Variants in NDST3 observed in about 807,000 individuals in gnomAD.
NDST3 encodes N-deacetylase and N-sulfotransferase 3.
A neutral mutation model predicts 96.1 loss-of-function variants in NDST3; 58 were observed. The observed-to-expected ratio is 0.60, with a 90% CI of 0.49 to 0.75. The LOEUF (loss-of-function observed/expected upper bound fraction) is 0.75. Among genes scored for constraint, NDST3 ranks in the 30% least tolerant of loss-of-function variants. The pLI, the probability that NDST3 is intolerant of heterozygous loss-of-function variation, is 0.00. For missense variants in NDST3, 788 were observed against 1,034.2 expected (o/e 0.76, Z 3.27); for synonymous variants, 333 against 359.7 (o/e 0.93, Z 0.84).
intron 6 of NDST3, among the ~76,000 whole-genome samples, chr4:118,174,972 C>T (rs1736184136): frequency 6.6e-6 from 1 of 152,134 alleles, no homozygotes; most frequent in Non-Finnish European, 1.5e-5. Context: ...TTTTATAATC[C>T]TCATAAGATT....
At chr4:118,097,277 TA>T (rs1382964881) in intron 2 of NDST3, among the ~76,000 whole-genome samples, 2 of 151,974 alleles carry the variant, frequency 1.3e-5, no homozygotes. Flanking sequence ...CCATGTTGTC[TA>T]GAGTATTTCT....
At chr4:118,149,894 G>A (rs1734255889) in intron 6 of NDST3, among the ~76,000 whole-genome samples, 3 of 151,990 alleles carry the variant, frequency 2.0e-5, no homozygotes, top group Admixed American at 2.0e-4. Context: ...CTGTGGGTTT[G>A]TCATAGATAG....
At chr4:118,241,630 G>A (rs532597942) in intron 11 of NDST3, among the ~76,000 whole-genome samples, 1 of 152,302 alleles carries the variant, frequency 6.6e-6, no homozygotes, top group South Asian at 2.1e-4. Context: ...GAAAGGAATC[G>A]TGAGGAATGA....
At chr4:118,040,698 T>C (rs1053369744) in intron 1 of NDST3, among the ~76,000 whole-genome samples, 1 of 151,646 alleles carries the variant, frequency 6.6e-6, no homozygotes, top group African/African-American at 2.4e-5. Context: ...TGTTGTTGCT[T>C]TTGAGACAGG....
chr4:118,126,769 A>G (rs1732130444), intron 4 of NDST3, among the ~76,000 whole-genome samples: 1 of 151,928 alleles, frequency 6.6e-6, no homozygotes, highest in Non-Finnish European at 1.5e-5. Context: ...AAACCTCCAA[A>G]CTGTTCTCCA....
intron 6 of NDST3, among the ~76,000 whole-genome samples, chr4:118,181,493 G>T (rs1006727489): frequency 2.6e-5 from 4 of 152,138 alleles, no homozygotes; most frequent in African/African-American, 9.7e-5. Flanking sequence ...TGAGCATTTA[G>T]TTAGCATGAG....
intron 2 of NDST3, among the ~76,000 whole-genome samples, chr4:118,062,295 G>C (rs1201917122): frequency 1.3e-5 from 2 of 152,018 alleles, no homozygotes; most frequent in Non-Finnish European, 2.9e-5. Flanking sequence ...GCCTAATTAA[G>C]TTCCCTCATA....
intron 3 of NDST3, among the ~76,000 whole-genome samples, chr4:118,112,625 C>T (rs1730731628): frequency 3.3e-5 from 5 of 152,120 alleles, no homozygotes; most frequent in Admixed American, 3.3e-4. Flanking sequence ...TGCAGGGAAA[C>T]TAAATGACAT....
At chr4:118,255,168 T>G (rs534001069) in intron 13 of NDST3, among the ~76,000 whole-genome samples, 1 of 152,356 alleles carries the variant, frequency 6.6e-6, no homozygotes, top group African/African-American at 2.4e-5. Flanking sequence ...ACAGACCTTA[T>G]TAAATTTGGA....
At chr4:118,164,458 T>C (rs1288330994) in intron 6 of NDST3, among the ~76,000 whole-genome samples, 2 of 150,760 alleles carry the variant, frequency 1.3e-5, no homozygotes, top group Non-Finnish European at 2.9e-5. Context: ...AGAGTACCTA[T>C]ATAAGAAAGC....
At chr4:118,189,016 A>G (rs189313196) in intron 6 of NDST3, among the ~76,000 whole-genome samples, 60 of 152,274 alleles carry the variant, frequency 3.9e-4, no homozygotes, top group Non-Finnish European at 7.8e-4. Flanking sequence ...GAAATCTGAT[A>G]TAATTTTAGA....
chr4:118,122,503 G>A (rs1170383932), intron 4 of NDST3, among the ~76,000 whole-genome samples: 1 of 150,804 alleles, frequency 6.6e-6, no homozygotes, highest in African/African-American at 2.4e-5. Context: ...TCTTTCTTTT[G>A]TACCAGCTCC....
chr4:118,127,381 CAG>C (rs1365416224), intron 4 of NDST3, among the ~76,000 whole-genome samples: 2 of 151,876 alleles, frequency 1.3e-5, no homozygotes, highest in African/African-American at 4.8e-5. Context: ...TGGTGATAGA[CAG>C]GGGTTCAGCT....
chr4:118,093,305 T>C (rs891931651), intron 2 of NDST3, among the ~76,000 whole-genome samples: 13 of 151,874 alleles, frequency 8.6e-5, no homozygotes, highest in Non-Finnish European at 1.0e-4. Context: ...AAACATGCTG[T>C]CACTGGATCA....
rs763334207 is a variant in NDST3 at position 118,240,650 on chromosome 4, G to A, written c.2245G>A (p.Ala749Thr). 4.3e-6 allele frequency: 7 copies of A among 1,613,672 alleles called. No individual in the cohort carries two copies. Among genetic ancestry groups the A allele is most frequent in the Admixed American group, 1.7e-5 (1 of 59,984 alleles). ...GAGATGTTTGGTCCCGGGGTGGTATGCCAGCCACATCGAGAGATGGCTTGT... is the reference window on the plus strand; with the variant it reads ...GAGATGTTTGGTCCCGGGGTGGTATACCAGCCACATCGAGAGATGGCTTGT... ...QKRCLVPGWY[A>T]SHIERWLVYF... Residue 749 changes from alanine to threonine, a missense_variant, in exon 11 of 14, where the codon GCC becomes ACC. Around this residue, in one of 3 missense-constraint regions of NDST3, gnomAD observed 490 missense variants for 708.8 expected, o/e 0.69. Transcript: ENST00000296499.
At chr4:118,254,239 C>G (rs1741962694) in intron 13 of NDST3, among the ~76,000 whole-genome samples, 1 of 104,584 alleles carries the variant, frequency 9.6e-6, no homozygotes, top group Admixed American at 1.2e-4. Flanking sequence ...GAGTGAAACT[C>G]CAACTCAAAA....
At chr4:118,167,742 C>T (rs772775842) in intron 6 of NDST3, among the ~76,000 whole-genome samples, 1 of 151,746 alleles carries the variant, frequency 6.6e-6, no homozygotes, top group Non-Finnish European at 1.5e-5. Context: ...AATACAGAGC[C>T]CAGAAATAAA....
At chr4:118,082,379 C>T (rs374034279) in intron 2 of NDST3, among the ~76,000 whole-genome samples, 39 of 152,272 alleles carry the variant, frequency 2.6e-4, no homozygotes, top group African/African-American at 8.9e-4. Flanking sequence ...CTTTATTACT[C>T]ACAGCATTAG....
intron 6 of NDST3, among the ~76,000 whole-genome samples, chr4:118,199,180 T>C (rs1320137927): frequency 3.9e-5 from 6 of 152,194 alleles, no homozygotes; most frequent in Admixed American, 3.9e-4. Flanking sequence ...TTAAAGCCAA[T>C]AACTCTTAGA....
Sources: gnomAD v4.1 joint callset for allele counts (sites outside exome capture counted in the v4.1 genomes callset) on GRCh38, gnomAD v4.1.1 for gene constraint, gnomAD v4.1.1 regional missense constraint, MANE v1.5 for transcripts, NCBI Gene and HGNC (gene_info 2026-07-23, HGNC 2026-07-21) for gene names.